MAGI2: variants seen among roughly 807,000 people sequenced by gnomAD.
The protein encoded by MAGI2 is membrane-associated guanylate kinase, WW and PDZ domain-containing protein 2.
Under a neutral mutation model 133.3 loss-of-function variants are expected in MAGI2, and 35 were observed. The observed-to-expected ratio is 0.26, with a 90% CI of 0.20 to 0.35. The LOEUF (loss-of-function observed/expected upper bound fraction) is 0.35, where lower values mean the gene tolerates loss of function less well. MAGI2 is among the 10% of genes least tolerant of loss of function. The pLI, the probability that MAGI2 is intolerant of heterozygous loss-of-function variation, is 1.00. For missense variants in MAGI2, 1,636 were observed against 1,863.4 expected (o/e 0.88, Z 2.25); for synonymous variants, 729 against 710.6 (o/e 1.03, Z -0.41).
chr7:78,550,379 G>A (rs1415763690), intron 3 of MAGI2, among the ~76,000 whole-genome samples: 1 of 152,186 alleles, frequency 6.6e-6, no homozygotes, highest in Non-Finnish European at 1.5e-5. Flanking sequence ...AAGGGCGCCA[G>A]TACATCAGGT....
Position 79,049,571 on chromosome 7 carries a change from C to T in MAGI2, c.302-42365G>A, listed in dbSNP as rs115256345. Among the ~76,000 whole-genome samples the T allele has an allele frequency of 6.4e-3, 969 of 152,130 alleles. 12 individuals are homozygous for T. The highest frequency in any genetic ancestry group is 0.022 in the African/African-American group (901 of 41,530). On this transcript the variant is annotated intron_variant, in intron 1 of 21. Coordinates refer to ENST00000354212, the MANE Select transcript of MAGI2 (RefSeq NM_012301.4). Reference sequence around the variant, plus strand: ...AGCTTTGATGTTTGCCAACATACATCTGTATCTATTTAATAATTAATTTAG... The same window carrying T: ...AGCTTTGATGTTTGCCAACATACATTTGTATCTATTTAATAATTAATTTAG...
chr7:78,231,806 G>T (rs1790001483), intron 10 of MAGI2, among the ~76,000 whole-genome samples: 3 of 152,186 alleles, frequency 2.0e-5, no homozygotes, highest in Admixed American at 2.0e-4. Context: ...ATTTGGATGT[G>T]TTGGGAACTT....
chr7:79,157,941 A>AGAGT (rs1554387769), intron 1 of MAGI2, among the ~76,000 whole-genome samples: 2 of 134,896 alleles, frequency 1.5e-5, no homozygotes, highest in Admixed American at 7.4e-5. Flanking sequence ...TCTTTGTGTG[A>AGAGT]GTGTGTGTGT....
chr7:78,760,864 A>C (rs751480941), intron 2 of MAGI2, among the ~76,000 whole-genome samples: 3 of 152,176 alleles, frequency 2.0e-5, no homozygotes, highest in Non-Finnish European at 4.4e-5. Context: ...AAACACCTAA[A>C]AGATTATATT....
chr7:78,263,237 G>GA (rs1368662867), intron 9 of MAGI2, among the ~76,000 whole-genome samples: 1 of 152,170 alleles, frequency 6.6e-6, no homozygotes, highest in Non-Finnish European at 1.5e-5. Context: ...CACCTAGATT[G>GA]ATTCCATGCC....
At chr7:78,956,796 G>A (rs73144976) in intron 2 of MAGI2, among the ~76,000 whole-genome samples, 3,663 of 152,176 alleles carry the variant, frequency 0.024, 75 homozygotes, top group Non-Finnish European at 0.036. Flanking sequence ...TTATACCAAG[G>A]CAGAAACTAA....
At position 78,278,632 on chromosome 7, in the gene MAGI2, A is replaced by G. The variant is rs548571134; in HGVS notation, c.1409-22051T>C. Among the ~76,000 whole-genome samples the G allele has an allele frequency of 1.2e-4, 18 of 152,304 alleles. No individual in the cohort carries two copies. The South Asian group carries it at 1.9e-3, about 16-fold the overall frequency. ...CATTTTGTGGATATAGTTAACATCTACAATTAACTGACTTTAAGTAAAGGA... is the reference window on the plus strand; with the variant it reads ...CATTTTGTGGATATAGTTAACATCTGCAATTAACTGACTTTAAGTAAAGGA... On this transcript the variant is annotated intron_variant, in intron 9 of 21. Transcript: ENST00000354212.
At chr7:79,147,357 C>T (rs1407751540) in intron 1 of MAGI2, among the ~76,000 whole-genome samples, 1 of 152,178 alleles carries the variant, frequency 6.6e-6, no homozygotes, top group African/African-American at 2.4e-5. Flanking sequence ...CCCAAGCTTG[C>T]TTTACTCTTT....
chr7:78,151,957 A>G (rs1255461015), intron 16 of MAGI2, among the ~76,000 whole-genome samples: 3 of 152,172 alleles, frequency 2.0e-5, no homozygotes, highest in African/African-American at 7.2e-5. Context: ...AAATCCTTGA[A>G]AAAAACCTAT....
chr7:78,111,468 A>G (rs1043205974), intron 20 of MAGI2, among the ~76,000 whole-genome samples: 1 of 152,202 alleles, frequency 6.6e-6, no homozygotes, highest in African/African-American at 2.4e-5. Context: ...AAATGGTTCA[A>G]AGTTGGGCAT....
chr7:79,277,336 T>G (rs1022217634), intron 1 of MAGI2, among the ~76,000 whole-genome samples: 4 of 152,164 alleles, frequency 2.6e-5, no homozygotes, highest in African/African-American at 9.6e-5. Flanking sequence ...ACATACATTG[T>G]GTTTTTTTAG....
intron 6 of MAGI2, among the ~76,000 whole-genome samples, chr7:78,392,582 G>T (rs1004212318): frequency 6.6e-6 from 1 of 152,092 alleles, no homozygotes; most frequent in East Asian, 1.9e-4. Flanking sequence ...TCAAAAAGAG[G>T]AACAACATAA....
At chr7:79,221,057 G>T (rs1276473176) in intron 1 of MAGI2, among the ~76,000 whole-genome samples, 2 of 151,904 alleles carry the variant, frequency 1.3e-5, no homozygotes, top group African/African-American at 4.9e-5. Context: ...GATGGTAGAA[G>T]GGTTTTCTCT....
At chr7:78,387,414 T>C (rs996431127) in intron 6 of MAGI2, among the ~76,000 whole-genome samples, 10 of 152,170 alleles carry the variant, frequency 6.6e-5, no homozygotes, top group Admixed American at 5.2e-4. Context: ...ATTCCTTTTA[T>C]TGTTTGGCAG....
At chr7:78,455,772 G>T (rs2302638) in intron 6 of MAGI2, among the ~76,000 whole-genome samples, 49,412 of 151,812 alleles carry the variant, frequency 0.33, 11,028 homozygotes, top group African/African-American at 0.64. Flanking sequence ...CACCATATTA[G>T]GTGCTAAGTG....
At chr7:79,141,911 T>C (rs1234190305) in intron 1 of MAGI2, among the ~76,000 whole-genome samples, 1 of 152,220 alleles carries the variant, frequency 6.6e-6, no homozygotes, top group Non-Finnish European at 1.5e-5. Flanking sequence ...TTTTAATGCA[T>C]AATACAATAC....
At chr7:79,167,239 A>G (rs1825024736) in intron 1 of MAGI2, among the ~76,000 whole-genome samples, 1 of 151,678 alleles carries the variant, frequency 6.6e-6, no homozygotes, top group African/African-American at 2.4e-5. Flanking sequence ...CTTTTGTTTT[A>G]GTTCCTTATT....
intron 2 of MAGI2, among the ~76,000 whole-genome samples, chr7:78,895,950 T>C (rs1797181635): frequency 6.6e-6 from 1 of 152,214 alleles, no homozygotes; most frequent in Admixed American, 6.5e-5. Context: ...TCAAATTATA[T>C]AAGTAATGAT....
intron 10 of MAGI2, among the ~76,000 whole-genome samples, chr7:78,214,643 T>C (rs138777475): frequency 1.4e-5 from 2 of 146,682 alleles, no homozygotes; most frequent in East Asian, 4.2e-4. Flanking sequence ...GTAGAACTGA[T>C]GTTTATTTCT....
Sources: gnomAD v4.1 joint callset for allele counts (sites outside exome capture counted in the v4.1 genomes callset) on GRCh38, gnomAD v4.1.1 for gene constraint, MANE v1.5 for transcripts, NCBI Gene and HGNC (gene_info 2026-07-23, HGNC 2026-07-21) for gene names.